Variants in HS6ST3 observed in about 807,000 individuals in gnomAD.
The protein encoded by HS6ST3 is heparan-sulfate 6-O-sulfotransferase 3.
Under a neutral mutation model 36.7 loss-of-function variants are expected in HS6ST3, and 12 were observed. The ratio of observed to expected loss-of-function variants is 0.33; its 90% CI spans 0.21 to 0.53. The LOEUF is 0.53. Ranked by LOEUF, HS6ST3 falls within the 20% of genes least tolerant of loss-of-function variation. The pLI is 0.95. For missense variants in HS6ST3, 584 were observed against 640.9 expected (o/e 0.91, Z 0.96); for synonymous variants, 240 against 257.5 (o/e 0.93, Z 0.65).
chr13:96,390,920 C>T (rs1224808710), intron 1 of HS6ST3, among the ~76,000 whole-genome samples: 3 of 152,320 alleles, frequency 2.0e-5, no homozygotes, highest in African/African-American at 7.2e-5. Context: ...AGCTTAAAAA[C>T]TGTCATTGTT....
chr13:96,674,002 G>A (rs1488897080), intron 1 of HS6ST3, among the ~76,000 whole-genome samples: 1 of 151,996 alleles, frequency 6.6e-6, no homozygotes, highest in Non-Finnish European at 1.5e-5. Flanking sequence ...AAACTTAAAA[G>A]CCAATCACAA....
chr13:96,148,319 A>G (rs2054067878), intron 1 of HS6ST3, among the ~76,000 whole-genome samples: 1 of 152,240 alleles, frequency 6.6e-6, no homozygotes, highest in Admixed American at 6.5e-5. Context: ...GGACAAAGCT[A>G]TATATTCAAT....
At chr13:96,222,129 T>G (rs890682275) in intron 1 of HS6ST3, among the ~76,000 whole-genome samples, 4 of 152,196 alleles carry the variant, frequency 2.6e-5, no homozygotes, top group African/African-American at 9.6e-5. Context: ...AAAACATCAA[T>G]CAAATTCTTT....
At chr13:96,722,564 T>A (rs936735903) in intron 1 of HS6ST3, among the ~76,000 whole-genome samples, 2 of 152,204 alleles carry the variant, frequency 1.3e-5, no homozygotes, top group African/African-American at 4.8e-5. Flanking sequence ...TCCAGACAGA[T>A]CTAGATTTTA....
intron 1 of HS6ST3, among the ~76,000 whole-genome samples, chr13:96,648,780 C>A (rs1211828210): frequency 6.6e-6 from 1 of 152,004 alleles, no homozygotes; most frequent in Non-Finnish European, 1.5e-5. Context: ...TGTTAGTTTG[C>A]TGAGGATAAT....
intron 1 of HS6ST3, among the ~76,000 whole-genome samples, chr13:96,710,609 A>G (rs932225786): frequency 1.3e-5 from 2 of 152,396 alleles, no homozygotes; most frequent in East Asian, 3.9e-4. Flanking sequence ...TCTCAGCATG[A>G]AGAGAAGCAG....
intron 1 of HS6ST3, chr13:96,573,811 T>C (rs2056310016): frequency 2.6e-6 from 1 of 390,496 alleles, no homozygotes; most frequent in East Asian, 6.8e-5. Flanking sequence ...TAGGAGAGTG[T>C]GTTGGACTTA....
chr13:96,211,024 G>T (rs893389534), intron 1 of HS6ST3, among the ~76,000 whole-genome samples: 1 of 151,754 alleles, frequency 6.6e-6, no homozygotes, highest in Admixed American at 6.6e-5. Context: ...TCCACTTCCT[G>T]GGTTCAATTG....
At chr13:96,525,987 A>G (rs1368185295) in intron 1 of HS6ST3, among the ~76,000 whole-genome samples, 1 of 152,206 alleles carries the variant, frequency 6.6e-6, no homozygotes, top group African/African-American at 2.4e-5. Context: ...ACAGACATGC[A>G]TTATTATACA....
intron 1 of HS6ST3, among the ~76,000 whole-genome samples, chr13:96,799,944 G>GTATATATATATATATA (rs34679351): frequency 1.1e-5 from 1 of 88,056 alleles, no homozygotes. Flanking sequence ...ATATGTGTGT[G>GTATATATATATATATA]TATATATATA....
intron 1 of HS6ST3, among the ~76,000 whole-genome samples, chr13:96,471,624 C>G (rs1245405578): frequency 2.0e-5 from 3 of 152,202 alleles, no homozygotes; most frequent in Non-Finnish European, 4.4e-5. Flanking sequence ...ATTTACAAGA[C>G]AGTGAGTTTA....
At chr13:96,629,427 GTC>G (rs2056524208) in intron 1 of HS6ST3, among the ~76,000 whole-genome samples, 1 of 152,094 alleles carries the variant, frequency 6.6e-6, no homozygotes, top group Admixed American at 6.5e-5. Context: ...TGTGAGGAGA[GTC>G]TGTATGTAAT....
chr13:96,234,930 T>C (rs185403413), intron 1 of HS6ST3, among the ~76,000 whole-genome samples: 1 of 152,186 alleles, frequency 6.6e-6, no homozygotes, highest in Non-Finnish European at 1.5e-5. Context: ...GTCAAATGAT[T>C]TGTTGTAGAT....
rs189167760 is a variant in HS6ST3 at position 96,625,216 on chromosome 13, T to C, written c.708-207274T>C. Among the ~76,000 whole-genome samples the C allele has an allele frequency of 4.7e-3, 717 of 152,294 alleles. 19 individuals carry two copies. Among genetic ancestry groups the C allele is most frequent in the Non-Finnish European group, 2.7e-3 (187 of 68,024 alleles). ...GTGTTGCCATGGCATTTGTCAACTC[T>C]CATGACACTCGTGGGAATGTCTTAT... On this transcript the variant is annotated intron_variant, in intron 1 of 1. Coordinates refer to ENST00000376705, the MANE Select transcript of HS6ST3 (RefSeq NM_153456.4).
intron 1 of HS6ST3, among the ~76,000 whole-genome samples, chr13:96,381,177 G>T (rs1229469711): frequency 6.6e-6 from 1 of 152,214 alleles, no homozygotes; most frequent in Non-Finnish European, 1.5e-5. Context: ...AATGGATAAT[G>T]CTCTTTCACT....
At chr13:96,657,077 G>A (rs991362189) in intron 1 of HS6ST3, among the ~76,000 whole-genome samples, 1 of 151,476 alleles carries the variant, frequency 6.6e-6, no homozygotes, top group East Asian at 2.0e-4. Context: ...CACCTGGGAT[G>A]TGCCTCAAAT....
At chr13:96,349,875 T>C (rs1028374406) in intron 1 of HS6ST3, among the ~76,000 whole-genome samples, 4 of 152,166 alleles carry the variant, frequency 2.6e-5, no homozygotes, top group Non-Finnish European at 5.9e-5. Flanking sequence ...GCAGTTCTTA[T>C]CAGGAATAAA....
At chr13:96,440,217 A>G (rs547948725) in intron 1 of HS6ST3, among the ~76,000 whole-genome samples, 45 of 152,164 alleles carry the variant, frequency 3.0e-4, no homozygotes, top group Non-Finnish European at 5.7e-4. Context: ...GAGACCAAGT[A>G]AGACAGATCA....
At chr13:96,803,376 T>G (rs1390232530) in intron 1 of HS6ST3, among the ~76,000 whole-genome samples, 1 of 152,174 alleles carries the variant, frequency 6.6e-6, no homozygotes, top group African/African-American at 2.4e-5. Context: ...TTAAGGGCTT[T>G]GGGAGGTATA....
Sources: allele counts gnomAD v4.1 joint callset (sites outside exome capture counted in the v4.1 genomes callset), GRCh38; gene constraint gnomAD v4.1.1; transcripts MANE v1.5; gene names NCBI Gene and HGNC (gene_info 2026-07-23, HGNC 2026-07-21).